EEF1AKMT2: variants seen among roughly 807,000 people sequenced by gnomAD.
The protein encoded by EEF1AKMT2 is eukaryotic translation elongation factor 1 alpha lysine methyltransferase 2.
Under a neutral mutation model 35.8 loss-of-function variants are expected in EEF1AKMT2, and 32 were observed. The observed-to-expected ratio is 0.89, with a 90% CI of 0.67 to 1.20. EEF1AKMT2 has a LOEUF of 1.20. EEF1AKMT2 is among the 50% of genes most tolerant of loss of function. The pLI, the probability that EEF1AKMT2 is intolerant of heterozygous loss-of-function variation, is 0.00. For missense variants in EEF1AKMT2, 330 were observed against 347.5 expected (o/e 0.95, Z 0.40); for synonymous variants, 121 against 133.7 (o/e 0.91, Z 0.65).
chr10:124,776,293 T>C (rs1342611541), intron 3 of EEF1AKMT2, among the ~76,000 whole-genome samples: 2 of 152,184 alleles, frequency 1.3e-5, no homozygotes, highest in Non-Finnish European at 2.9e-5. Context: ...ATCTCCAATG[T>C]CTTTCACATT....
downstream of EEF1AKMT2, among the ~76,000 whole-genome samples, chr10:124,757,426 A>G (rs1380538244): frequency 6.6e-6 from 1 of 152,210 alleles, no homozygotes; most frequent in African/African-American, 2.4e-5. Flanking sequence ...AATTCGTAAA[A>G]TAAAATTACT....
At chr10:124,767,723 C>T (rs1191959328) in intron 4 of EEF1AKMT2, among the ~76,000 whole-genome samples, 3 of 152,154 alleles carry the variant, frequency 2.0e-5, no homozygotes, top group African/African-American at 7.2e-5. Flanking sequence ...TAGTGGCTCA[C>T]ACCTATAATC....
At chr10:124,769,571 T>C (rs1234905994) in intron 4 of EEF1AKMT2, among the ~76,000 whole-genome samples, 1 of 152,196 alleles carries the variant, frequency 6.6e-6, no homozygotes, top group African/African-American at 2.4e-5. Context: ...CACAAAATTT[T>C]TGGTTTCCCA....
At chr10:124,756,300 T>C (rs759561550), downstream of EEF1AKMT2, among the ~76,000 whole-genome samples, 1 of 152,234 alleles carries the variant, frequency 6.6e-6, no homozygotes, top group Non-Finnish European at 1.5e-5. Context: ...GGCAAGTAAT[T>C]TGCAAATACT....
At chr10:124,774,184 G>A (rs916773637) in intron 4 of EEF1AKMT2, among the ~76,000 whole-genome samples, 3 of 151,854 alleles carry the variant, frequency 2.0e-5, no homozygotes, top group South Asian at 2.1e-4. Flanking sequence ...TGGCTAACAC[G>A]GTGAAACCCC....
At chr10:124,778,121 T>C (rs1294654360) in intron 3 of EEF1AKMT2, among the ~76,000 whole-genome samples, 3 of 150,380 alleles carry the variant, frequency 2.0e-5, no homozygotes, top group Non-Finnish European at 3.0e-5. Flanking sequence ...AACCCAGGAG[T>C]TGGAGGTTAT....
At chr10:124,779,433 A>T (rs1950517283) in intron 3 of EEF1AKMT2, among the ~76,000 whole-genome samples, 1 of 149,410 alleles carries the variant, frequency 6.7e-6, no homozygotes, top group Non-Finnish European at 1.5e-5. Flanking sequence ...ATGCCCAGCC[A>T]GCAACCATTT....
intron 4 of EEF1AKMT2, among the ~76,000 whole-genome samples, chr10:124,772,872 G>A (rs1300579361): frequency 6.6e-6 from 1 of 152,220 alleles, no homozygotes; most frequent in Non-Finnish European, 1.5e-5. Flanking sequence ...TTGAGAGAAT[G>A]CTATGGCTGG....
rs1283064766 is a variant in EEF1AKMT2, at chr10:124,758,327, C to A, written c.*2176G>T. On this transcript the variant is annotated 3_prime_UTR_variant, in exon 7 of 7. Transcript: ENST00000368836. ...GGTTTGTTTCAGGAACCTGGTGACA[C>A]TTGCTGGCCTGGTTTTTACAGTTTG... 6.6e-6 allele frequency: 1 copy of A among 152,102 alleles called. No individual in the cohort carries two copies. The highest frequency in any genetic ancestry group is 1.5e-5 in the Non-Finnish European group (1 of 68,024). The allele number at this position is 152,102 out of a possible 1,614,324, so 9.4% of individuals were successfully genotyped here. A position where few individuals can be genotyped will look rare whatever the true frequency, so the allele number is the denominator to read the frequency against.
At chr10:124,768,596 G>A (rs866343749) in intron 4 of EEF1AKMT2, among the ~76,000 whole-genome samples, 2 of 151,938 alleles carry the variant, frequency 1.3e-5, no homozygotes, top group South Asian at 4.1e-4. Flanking sequence ...AAAATACGAA[G>A]AAAATTAGCT....
chr10:124,787,165 G>A (rs1950592321), intron 3 of EEF1AKMT2, among the ~76,000 whole-genome samples: 1 of 149,284 alleles, frequency 6.7e-6, no homozygotes, highest in Non-Finnish European at 1.5e-5. Flanking sequence ...CCAAGGCATG[G>A]TCTCGATCTC....
chr10:124,791,694 T>C, intron 1 of EEF1AKMT2, 30 bp downstream of exon 1: 1 of 1,556,180 alleles, frequency 6.4e-7, no homozygotes, highest in Non-Finnish European at 8.7e-7. Context: ...GCGGCACGGC[T>C]CATCCTCCCC....
At chr10:124,773,799 A>C (rs1950460914) in intron 4 of EEF1AKMT2, among the ~76,000 whole-genome samples, 1 of 152,212 alleles carries the variant, frequency 6.6e-6, no homozygotes, top group Non-Finnish European at 1.5e-5. Flanking sequence ...AACAATTACC[A>C]AAATGTGACA....
At chr10:124,779,920 A>G (rs1373215958) in intron 3 of EEF1AKMT2, among the ~76,000 whole-genome samples, 2 of 146,178 alleles carry the variant, frequency 1.4e-5, no homozygotes, top group East Asian at 4.1e-4. Flanking sequence ...AAAATTAGCC[A>G]GGCGTGGTGG....
intron 5 of EEF1AKMT2, among the ~76,000 whole-genome samples, chr10:124,763,136 T>C (rs932216791): frequency 3.3e-5 from 5 of 152,330 alleles, no homozygotes; most frequent in Admixed American, 6.5e-5. Flanking sequence ...CAAACCTGAA[T>C]AGATTCAGAA....
chr10:124,760,180 T>C lies in EEF1AKMT2; in HGVS notation c.*323A>G. On this transcript the variant is annotated 3_prime_UTR_variant, in exon 7 of 7. Transcript: ENST00000368836. The stretch of plus-strand genomic sequence containing the variant: ...ATTTTTTTAATCGAAAAGAAAACTA[T>C]TTACATTTCAAATACAAAAGAAAAT... 3 of 409,262 alleles carry C rather than the reference T, an allele frequency of 7.3e-6. No individual in the cohort carries two copies. The highest frequency in any genetic ancestry group is 6.8e-5 in the East Asian group (2 of 29,204). The allele number at this position is 409,262 out of a possible 1,614,324, so 25.4% of individuals were successfully genotyped here.
intron 3 of EEF1AKMT2, among the ~76,000 whole-genome samples, chr10:124,785,748 T>A (rs555261711): frequency 1.3e-5 from 2 of 151,568 alleles, no homozygotes; most frequent in South Asian, 4.2e-4. Context: ...ACAAAAAAAT[T>A]AGCCAGGCGT....
At chr10:124,785,062 T>C (rs763097291) in intron 3 of EEF1AKMT2, among the ~76,000 whole-genome samples, 5 of 150,670 alleles carry the variant, frequency 3.3e-5, no homozygotes, top group Non-Finnish European at 5.9e-5. Context: ...TCCTGGCCAA[T>C]GTGGTGAAAG....
Position 124,770,974 on chromosome 10 carries a change from A to C in EEF1AKMT2, c.399+3701T>G, listed in dbSNP as rs552471144. Among the ~76,000 whole-genome samples, 8 of 152,298 alleles carry C rather than the reference A, an allele frequency of 5.3e-5. No individual in the cohort carries two copies. The South Asian group carries it at 1.4e-3, about 28-fold the overall frequency. The stretch of plus-strand genomic sequence containing the variant: ...CATTGAAATCTTGAACCTCTCTCCA[A>C]GTCATCCATTAAGGTTGGAATCAGC... On this transcript the variant is annotated intron_variant, in intron 4 of 6. Coordinates refer to ENST00000368836, the MANE Select transcript of EEF1AKMT2 (RefSeq NM_212554.4).
Sources: gnomAD v4.1 joint callset for allele counts (sites outside exome capture counted in the v4.1 genomes callset) on GRCh38, gnomAD v4.1.1 for gene constraint, MANE v1.5 for transcripts, NCBI Gene and HGNC (gene_info 2026-07-23, HGNC 2026-07-21) for gene names.